The following SSX2IP variants were observed in gnomAD, a reference collection of about 807,000 sequenced individuals.
SSX2IP encodes the protein SSX family member 2 interacting protein.
Under a neutral mutation model 84.9 loss-of-function variants are expected in SSX2IP, and 55 were observed. The observed-to-expected ratio is 0.65, with a 90% confidence interval of 0.52 to 0.81. SSX2IP has a LOEUF of 0.81. Among genes scored for constraint, SSX2IP ranks in the 30% least tolerant of loss-of-function variants. The pLI is 0.00. For synonymous variants in SSX2IP, 239 were observed against 234.7 expected (o/e 1.02, Z -0.17); for missense variants, 664 against 705.2 (o/e 0.94, Z 0.66).
chr1:84,680,625 T>A (rs1025560363), intron 1 of SSX2IP, among the ~76,000 whole-genome samples: 2 of 151,972 alleles, frequency 1.3e-5, no homozygotes, highest in Non-Finnish European at 2.9e-5. Flanking sequence ...CAAAACCATA[T>A]CTAATATGAG....
chr1:84,689,790 A>T lies in SSX2IP; in HGVS notation c.-90+581T>A, dbSNP rs3768237. Among the ~76,000 whole-genome samples, 35 of 152,302 alleles carry T rather than the reference A, an allele frequency of 2.3e-4. No individual in the cohort carries two copies. In the East Asian group the frequency reaches 6.2e-3, roughly 27 times the overall value. ...AAGTATTTTCATGATAAAATTATAA[A>T]CCAAAGTATTTTCACACATGCCTGC... is the stretch of plus-strand genomic sequence containing the variant. On this transcript the variant is annotated intron_variant, in intron 1 of 13. Coordinates refer to ENST00000342203, the MANE Select transcript of SSX2IP (RefSeq NM_001166293.2).
intron 1 of SSX2IP, among the ~76,000 whole-genome samples, chr1:84,689,038 T>G (rs140560796): frequency 6.6e-6 from 1 of 152,320 alleles, no homozygotes; most frequent in Middle Eastern, 3.4e-3. Context: ...CTATTAGCTT[T>G]CCTTACTTGT....
At position 84,686,692 on chromosome 1, in the gene SSX2IP, G is replaced by A. The variant is rs376158889; in HGVS notation, c.-90+3679C>T. Among the ~76,000 whole-genome samples, 6 of 152,302 alleles carry A rather than the reference G, an allele frequency of 3.9e-5. No homozygotes were observed. In the East Asian group the frequency reaches 1.2e-3, roughly 29 times the overall value. On this transcript the variant is annotated intron_variant, in intron 1 of 13. Coordinates refer to ENST00000342203, the MANE Select transcript of SSX2IP (RefSeq NM_001166293.2). ...CAGACCCAGACACAAGAGATACAAA[G>A]AGACAGGGGAACGGACTTCAGGAAA...
chr1:84,662,742 G>T (rs532931621), intron 6 of SSX2IP, among the ~76,000 whole-genome samples: 1 of 152,144 alleles, frequency 6.6e-6, no homozygotes, highest in African/African-American at 2.4e-5. Flanking sequence ...GTTTCTTCTT[G>T]GACACTGGGA....
chr1:84,679,023 T>C (rs750865730), intron 1 of SSX2IP, among the ~76,000 whole-genome samples: 14 of 152,218 alleles, frequency 9.2e-5, no homozygotes, highest in Non-Finnish European at 1.8e-4. Context: ...AAGTCTTTGC[T>C]AAAATCTCAC....
chr1:84,676,279 C>T (rs146959146), intron 1 of SSX2IP, among the ~76,000 whole-genome samples: 99 of 152,216 alleles, frequency 6.5e-4, no homozygotes, highest in African/African-American at 2.2e-3. Flanking sequence ...TGTTCATTAG[C>T]GGTAGGTAAC....
At chr1:84,666,055 G>T in intron 5 of SSX2IP, 67 bp downstream of exon 5, 2 of 1,171,864 alleles carry the variant, frequency 1.7e-6, no homozygotes, top group Non-Finnish European at 2.5e-6. Flanking sequence ...TGGCTCTTAT[G>T]GTCATCTCAT....
intron 1 of SSX2IP, among the ~76,000 whole-genome samples, chr1:84,685,191 G>A (rs1655614850): frequency 6.6e-6 from 1 of 152,176 alleles, no homozygotes; most frequent in South Asian, 2.1e-4. Context: ...TGGCTGTGGA[G>A]GCACCAAGAG....
intron 11 of SSX2IP, 43 bp from the exon 12 acceptor site, chr1:84,652,040 T>A (rs1650330680): frequency 7.1e-7 from 1 of 1,415,126 alleles, no homozygotes; most frequent in South Asian, 1.2e-5. Flanking sequence ...TATTTCAACA[T>A]CCACACAGTT....
At chr1:84,670,599 A>G in intron 3 of SSX2IP, 47 bp downstream of exon 3, 3 of 1,337,208 alleles carry the variant, frequency 2.2e-6, no homozygotes, top group Non-Finnish European at 3.1e-6. Context: ...GATACATTCT[A>G]TTATATAACA....
chr1:84,671,198 T>A lies in SSX2IP; in HGVS notation c.22A>T (p.Thr8Ser), dbSNP rs1653526116. Reference protein sequence around the residue: MGDWMTVTDPGLSSESKT... With the variant: MGDWMTVSDPGLSSESKT... The stretch of plus-strand genomic sequence containing the variant: ...TTACCTGAAGACAGACCTGGATCTG[T>A]AACAGTCATCCAATCTCCCATAGCA... Residue 8 changes from threonine to serine, a missense_variant, in exon 2 of 14, where the codon ACA becomes TCA. Physicochemically the swap from Thr to Ser is moderately conservative, Grantham distance 58. Transcript: ENST00000342203. 1.2e-6 allele frequency: 2 copies of A among 1,611,750 alleles called. No individual in the cohort carries two copies. Among genetic ancestry groups the A allele is most frequent in the Admixed American group, 3.3e-5 (2 of 59,746 alleles).
chr1:84,661,769 T>C (rs1652014579), intron 8 of SSX2IP, among the ~76,000 whole-genome samples: 2 of 152,324 alleles, frequency 1.3e-5, no homozygotes, highest in East Asian at 3.9e-4. Context: ...TTGTGAGCTC[T>C]GGAGTGAGAA....
intron 13 of SSX2IP, chr1:84,650,012 G>A (rs1379807433): frequency 6.3e-6 from 4 of 634,122 alleles, no homozygotes; most frequent in Non-Finnish European, 1.2e-5. Context: ...TACAAAAACT[G>A]TCAAAACAAT....
chr1:84,687,673 T>C (rs1655985976), intron 1 of SSX2IP, among the ~76,000 whole-genome samples: 1 of 152,242 alleles, frequency 6.6e-6, no homozygotes, highest in Non-Finnish European at 1.5e-5. Context: ...CTATACTCAA[T>C]ACATTTTGGA....
At chr1:84,671,825 C>T (rs543351097) in intron 1 of SSX2IP, among the ~76,000 whole-genome samples, 94 of 152,252 alleles carry the variant, frequency 6.2e-4, no homozygotes, top group Middle Eastern at 3.4e-3. Context: ...AGAAAGCTGA[C>T]AATATGTTTC....
At chr1:84,677,657 G>A (rs1654553544) in intron 1 of SSX2IP, among the ~76,000 whole-genome samples, 2 of 151,968 alleles carry the variant, frequency 1.3e-5, no homozygotes, top group Admixed American at 1.3e-4. Flanking sequence ...TCCATTTAAG[G>A]TTGTTTTTTT....
chr1:84,651,883 T>C lies in SSX2IP; in HGVS notation c.1504A>G (p.Ser502Gly), dbSNP rs1175157244. ...NVKLFSAFSGSSDWDNLIVHS... is the reference protein window; with the variant it reads ...NVKLFSAFSGGSDWDNLIVHS... ...ATTAAAGAGTTTATAAAGTACTCAC[T>C]TCCTGAGAAGGCACTGAAAAGTTTC... is the stretch of plus-strand genomic sequence containing the variant. The change falls in exon 12 of 14, where the codon AGT (serine) becomes GGT (glycine). Residue 502 changes from serine (S) to glycine (G), a missense_variant and splice_region_variant. Coordinates refer to ENST00000342203, the MANE Select transcript of SSX2IP (RefSeq NM_001166293.2). 6.2e-7 allele frequency: 1 copy of C among 1,601,826 alleles called. No homozygotes were observed. Among genetic ancestry groups the C allele is most frequent in the Non-Finnish European group, 8.6e-7 (1 of 1,169,372 alleles).
chr1:84,675,613 T>TA (rs894567609), intron 1 of SSX2IP, among the ~76,000 whole-genome samples: 4 of 152,240 alleles, frequency 2.6e-5, no homozygotes. Context: ...TGTAAGCTGA[T>TA]AGCTTATTTT....
chr1:84,656,064 G>T, intron 10 of SSX2IP, 59 bp from the exon 11 acceptor site: 1 of 1,460,318 alleles, frequency 6.8e-7, no homozygotes, highest in Non-Finnish European at 9.3e-7. Flanking sequence ...CCAACGAGTT[G>T]AAATGAAAGC....
Sources: allele counts gnomAD v4.1 joint callset (sites outside exome capture counted in the v4.1 genomes callset), GRCh38; gene constraint gnomAD v4.1.1; transcripts MANE v1.5; gene names NCBI Gene and HGNC (gene_info 2026-07-23, HGNC 2026-07-21).